Variants in IKZF2 observed in about 807,000 individuals in gnomAD.
The protein encoded by IKZF2 is zinc finger protein Helios.
Under a neutral mutation model 49.2 loss-of-function variants are expected in IKZF2, and 15 were observed. The ratio of observed to expected loss-of-function variants is 0.30; its 90% CI spans 0.20 to 0.47. The LOEUF is 0.47. IKZF2 is among the 20% of genes least tolerant of loss of function. The pLI is 1.00. For synonymous variants in IKZF2, 227 were observed against 221.4 expected (o/e 1.03, Z -0.23); for missense variants, 567 against 664.6 (o/e 0.85, Z 1.61).
At chr2:213,141,621 A>G (rs544302030) in intron 4 of IKZF2, among the ~76,000 whole-genome samples, 1 of 151,996 alleles carries the variant, frequency 6.6e-6, no homozygotes, top group East Asian at 1.9e-4. Flanking sequence ...TATTCATTTA[A>G]TAAGTCTCGG....
At chr2:213,089,747 T>C (rs574994172) in intron 4 of IKZF2, among the ~76,000 whole-genome samples, 86 of 152,238 alleles carry the variant, frequency 5.6e-4, no homozygotes, top group African/African-American at 1.9e-3. Context: ...GGGAGAATTC[T>C]GTAAGGGGGA....
At chr2:213,082,823 T>C (rs886464313) in intron 4 of IKZF2, among the ~76,000 whole-genome samples, 18 of 152,224 alleles carry the variant, frequency 1.2e-4, no homozygotes, top group African/African-American at 4.1e-4. Flanking sequence ...TTTCAGCTAA[T>C]TCACTTATTA....
chr2:213,133,391 A>C (rs763537780), intron 4 of IKZF2, among the ~76,000 whole-genome samples: 3 of 152,160 alleles, frequency 2.0e-5, no homozygotes, highest in Non-Finnish European at 4.4e-5. Context: ...TATATACCAC[A>C]GAGGGAGAGA....
chr2:213,073,882 A>AT (rs1284678694), intron 4 of IKZF2, among the ~76,000 whole-genome samples: 1 of 152,142 alleles, frequency 6.6e-6, no homozygotes, highest in Non-Finnish European at 1.5e-5. Context: ...AAAAAGATAA[A>AT]TTTCCATTTC....
At position 213,023,759 on chromosome 2, in the gene IKZF2, C is replaced by T. The variant is rs116969299; in HGVS notation, c.575-1629G>A. ...GAACAAGTTTATTAACCAATTAATA[C>T]TTATTAAGCACTTACATTGAAGCTA... On this transcript the variant is annotated intron_variant, in intron 6 of 8. Coordinates refer to ENST00000434687, the MANE Select transcript of IKZF2 (RefSeq NM_001387220.1). Among the ~76,000 whole-genome samples the T allele has an allele frequency of 2.4e-4, 36 of 152,228 alleles. No individual in the cohort carries two copies. In the East Asian group the frequency reaches 6.8e-3, roughly 29 times the overall value.
rs543485962 is a variant in IKZF2 at position 213,094,564 on chromosome 2, G to A, written c.140-37465C>T. On this transcript the variant is annotated intron_variant, in intron 4 of 8. Transcript: ENST00000434687. ...CATGGGCACACTGAGGCTGAGATGC[G>A]CAGGCTGGGACACAGGCTGGTTAGC... Among the ~76,000 whole-genome samples the A allele has an allele frequency of 4.5e-4, 69 of 152,188 alleles. 1 individual carries two copies. The South Asian group carries it at 0.013, about 29-fold the overall frequency.
Position 213,013,907 on chromosome 2 carries a change from T to A in IKZF2, c.740A>T (p.Gln247Leu). 6.2e-7 allele frequency: 1 copy of A among 1,611,696 alleles called. No individual in the cohort carries two copies. The highest frequency in any genetic ancestry group is 1.1e-5 in the South Asian group (1 of 90,986). ...AATATTGTTGTCCATAATAGGCTCT[T>A]GTTCCTTACAATCTTCCATAGGAGG... is the stretch of plus-strand genomic sequence containing the variant. ...HVPPMEDCKEQEPIMDNNISL... is the reference protein window; with the variant it reads ...HVPPMEDCKELEPIMDNNISL... The change falls in exon 8 of 9, where the codon CAA becomes CTA. Residue 247 changes from glutamine to leucine, a missense_variant. Gln to Leu is a moderately radical substitution (Grantham distance 113). Around this residue, in one of 5 missense-constraint regions of IKZF2, gnomAD observed 310 missense variants for 326.9 expected, o/e 0.95. Coordinates refer to ENST00000434687, the MANE Select transcript of IKZF2 (RefSeq NM_001387220.1).
chr2:213,053,005 T>G (rs1700816758), intron 5 of IKZF2, among the ~76,000 whole-genome samples: 5 of 152,158 alleles, frequency 3.3e-5, no homozygotes, highest in Admixed American at 3.3e-4. Flanking sequence ...TTAAATGGAC[T>G]GCATCAATGT....
At chr2:213,093,459 C>G (rs1705588499) in intron 4 of IKZF2, among the ~76,000 whole-genome samples, 1 of 152,182 alleles carries the variant, frequency 6.6e-6, no homozygotes, top group Admixed American at 6.6e-5. Context: ...TCCTTACCTC[C>G]TCTATAGTTT....
At chr2:213,016,271 A>T (rs1409146018) in intron 7 of IKZF2, among the ~76,000 whole-genome samples, 1 of 152,112 alleles carries the variant, frequency 6.6e-6, no homozygotes, top group Non-Finnish European at 1.5e-5. Context: ...AGACCCAGAG[A>T]TGTTAAGTAA....
intron 4 of IKZF2, among the ~76,000 whole-genome samples, chr2:213,111,315 T>C (rs1382904979): frequency 6.6e-6 from 1 of 152,034 alleles, no homozygotes; most frequent in Non-Finnish European, 1.5e-5. Context: ...CAATATTGCA[T>C]CTACCTGTGA....
intron 4 of IKZF2, among the ~76,000 whole-genome samples, chr2:213,111,342 A>G (rs911689617): frequency 1.3e-5 from 2 of 152,066 alleles, no homozygotes; most frequent in Non-Finnish European, 2.9e-5. Context: ...ACTTCACAGT[A>G]TATCTTCCCC....
In IKZF2 at chr2:213,013,947, A is replaced by T. The variant is rs751038692; in HGVS notation, c.713-13T>A. ...TCCATAGGAGGTACTATACAAAACC[A>T]TAGAAAAATGCAATCTGATAATTTC... On this transcript the variant is annotated splice_polypyrimidine_tract_variant and intron_variant, in intron 7 of 8. Coordinates refer to ENST00000434687, the MANE Select transcript of IKZF2 (RefSeq NM_001387220.1). 1 of 1,607,806 alleles carries T rather than the reference A, an allele frequency of 6.2e-7. No individual in the cohort carries two copies.
At chr2:213,119,560 C>G (rs1385555420) in intron 4 of IKZF2, among the ~76,000 whole-genome samples, 2 of 152,174 alleles carry the variant, frequency 1.3e-5, no homozygotes, top group Non-Finnish European at 2.9e-5. Context: ...TGTTGTTATT[C>G]TGTTACAGAT....
At chr2:213,020,469 G>A (rs1308165283) in intron 7 of IKZF2, among the ~76,000 whole-genome samples, 3 of 151,858 alleles carry the variant, frequency 2.0e-5, no homozygotes, top group Middle Eastern at 3.4e-3. Flanking sequence ...ACTCCGAGAC[G>A]CACCATTTTG....
intron 4 of IKZF2, among the ~76,000 whole-genome samples, chr2:213,128,804 CTTTTTTT>C (rs1184422126): frequency 1.5e-3 from 166 of 113,204 alleles, no homozygotes; most frequent in African/African-American, 5.3e-3. Context: ...ATTTTTTTTT[CTTTTTTT>C]TTTTTTTTTT....
chr2:213,076,454 G>A (rs1166312883), intron 4 of IKZF2, among the ~76,000 whole-genome samples: 1 of 152,060 alleles, frequency 6.6e-6, no homozygotes, highest in South Asian at 2.1e-4. Flanking sequence ...GGTGGTTTGC[G>A]ATACAGTTAT....
intron 6 of IKZF2, among the ~76,000 whole-genome samples, chr2:213,030,720 CAAGT>C (rs1698321663): frequency 6.7e-6 from 1 of 150,170 alleles, no homozygotes; most frequent in African/African-American, 2.5e-5. Context: ...ATTAATTTCG[CAAGT>C]AAATATTTTT....
In IKZF2 at chr2:213,007,339, T is replaced by C; in HGVS notation, c.*21A>G. The C allele has an allele frequency of 6.2e-7, 1 of 1,605,808 alleles. No individual in the cohort carries two copies. Among genetic ancestry groups the C allele is most frequent in the Non-Finnish European group, 8.5e-7 (1 of 1,176,098 alleles). On this transcript the variant is annotated 3_prime_UTR_variant, in exon 9 of 9. Coordinates refer to ENST00000434687, the MANE Select transcript of IKZF2 (RefSeq NM_001387220.1). ...TGTGCAGTTCTTTACTTCATAGGGG[T>C]CCCCTTTGGAATGAAAAGGCCTAGT...
Sources: allele counts gnomAD v4.1 joint callset (sites outside exome capture counted in the v4.1 genomes callset), GRCh38; gene constraint gnomAD v4.1.1; regional missense constraint gnomAD v4.1.1; transcripts MANE v1.5; gene names NCBI Gene and HGNC (gene_info 2026-07-23, HGNC 2026-07-21).